Variants in CTR9 observed in about 807,000 individuals in gnomAD.
CTR9 encodes the protein CTR9 component of Paf1/RNA polymerase II complex, also known as RNA polymerase-associated protein CTR9 homolog.
A neutral mutation model predicts 152.1 loss-of-function variants in CTR9; 41 were observed. The observed-to-expected ratio is 0.27, with a 90% CI of 0.21 to 0.35. CTR9 has a LOEUF of 0.35. CTR9 is among the 10% of genes least tolerant of loss of function. CTR9 has a pLI of 1.00. For missense variants in CTR9, 917 were observed against 1,424.4 expected, an observed-to-expected ratio of 0.64 and a Z score of 5.73; for synonymous variants, 476 against 496.2, an observed-to-expected ratio of 0.96 and a Z score of 0.54.
Position 10,770,342 on chromosome 11 carries a change from G to A in CTR9, c.2226+16G>A, listed in dbSNP as rs1219084020. 1.2e-6 allele frequency: 2 copies of A among 1,604,080 alleles called. No individual in the cohort carries two copies. Among genetic ancestry groups the A allele is most frequent in the Non-Finnish European group, 1.7e-6 (2 of 1,172,956 alleles). On this transcript the variant is annotated intron_variant, in intron 17 of 24. Coordinates refer to ENST00000361367, the MANE Select transcript of CTR9 (RefSeq NM_014633.5). ...TTTGCTGAAGGTAAAAAGGAGAGAT[G>A]TTATTCCCATCCATTTCTGTGCTAC... is the stretch of plus-strand genomic sequence containing the variant.
chr11:10,776,002 G>A (rs868272244), intron 24 of CTR9, among the ~76,000 whole-genome samples: 1 of 152,146 alleles, frequency 6.6e-6, no homozygotes, highest in South Asian at 2.1e-4. Flanking sequence ...CTGCCCTACT[G>A]TTGACACACT....
At chr11:10,757,563 G>T (rs1450935052) in intron 5 of CTR9, among the ~76,000 whole-genome samples, 1 of 152,008 alleles carries the variant, frequency 6.6e-6, no homozygotes, top group Non-Finnish European at 1.5e-5. Flanking sequence ...GGGCAACAGA[G>T]CCAAGACCCT....
At chr11:10,777,920 C>T (rs778098726) in intron 24 of CTR9, among the ~76,000 whole-genome samples, 6 of 152,204 alleles carry the variant, frequency 3.9e-5, no homozygotes, top group Non-Finnish European at 7.3e-5. Context: ...TCCAAAGGAG[C>T]GGTCACCGTG....
chr11:10,756,102 G>C (rs1862879681), intron 4 of CTR9, among the ~76,000 whole-genome samples: 3 of 152,306 alleles, frequency 2.0e-5, no homozygotes, highest in Admixed American at 1.3e-4. Flanking sequence ...GAGGCCAGGA[G>C]TTCAAGACGA....
chr11:10,751,888 C>T (rs1401084529), intron 1 of CTR9, among the ~76,000 whole-genome samples: 1 of 152,088 alleles, frequency 6.6e-6, no homozygotes, highest in Non-Finnish European at 1.5e-5. Context: ...GCCTCTTCTC[C>T]CTTAGAAACT....
At chr11:10,753,785 G>A (rs1001473494) in intron 2 of CTR9, among the ~76,000 whole-genome samples, 2 of 151,796 alleles carry the variant, frequency 1.3e-5, no homozygotes, top group African/African-American at 4.8e-5. Flanking sequence ...ACCTGTAGTA[G>A]AATAAATTAA....
intron 7 of CTR9, 73 bp from the exon 8 acceptor site, chr11:10,763,358 T>G (rs993050807): frequency 2.1e-6 from 2 of 967,646 alleles, no homozygotes; most frequent in Admixed American, 2.1e-5. Context: ...AAACGAAGTG[T>G]TAGTCTAAGA....
chr11:10,764,766 C>A, intron 12 of CTR9, 35 bp downstream of exon 12: 1 of 1,504,064 alleles, frequency 6.6e-7, no homozygotes, highest in East Asian at 2.3e-5. Context: ...TAATGAAATC[C>A]GTTCATTCCC....
chr11:10,753,107 G>A (rs1862831182), intron 2 of CTR9, among the ~76,000 whole-genome samples: 1 of 152,182 alleles, frequency 6.6e-6, no homozygotes, highest in Non-Finnish European at 1.5e-5. Context: ...GAACATTGCT[G>A]CTTAACATTG....
At position 10,755,136 on chromosome 11, in the gene CTR9, A is replaced by T; in HGVS notation, c.323A>T (p.Asp108Val). ...RKEKNKDNKK[D>V]LITQATLLYT... ...GAAAAGAATAAGGACAATAAAAAGG[A>T]TCTTATTACACAGGCCACCTTGTTG... is the stretch of plus-strand genomic sequence containing the variant. Residue 108 changes from aspartate (D) to valine (V), a missense_variant, in exon 3 of 25, where the codon GAT becomes GTT. This residue lies in a region of CTR9 where 67 missense variants were observed against 106.9 expected (regional missense o/e 0.63). Transcript: ENST00000361367. 6.2e-7 allele frequency: 1 copy of T among 1,613,840 alleles called. No individual in the cohort carries two copies. Among genetic ancestry groups the T allele is most frequent in the Non-Finnish European group, 8.5e-7 (1 of 1,179,754 alleles).
chr11:10,760,704 G>A (rs34128295), intron 6 of CTR9, among the ~76,000 whole-genome samples: 4 of 151,990 alleles, frequency 2.6e-5, no homozygotes, highest in South Asian at 2.1e-4. Context: ...TTCATTGCAC[G>A]TAACAAAAAA....
rs1863083274 is a variant in CTR9 at position 10,767,842 on chromosome 11, C to A, written c.1723C>A (p.His575Asn). 6.2e-7 allele frequency: 1 copy of A among 1,614,034 alleles called. No individual in the cohort carries two copies. The highest frequency in any genetic ancestry group is 8.5e-7 in the Non-Finnish European group (1 of 1,179,972). ...PDAWSLIGNL[H>N]LAKQEWGPGQ... ...TGCTTGGTCTTTGATTGGCAATCTT[C>A]ATTTGGCAAAACAAGAATGGGGTCC... The change falls in exon 14 of 25, where the codon CAT becomes AAT. Residue 575 changes from histidine (H) to asparagine (N), a missense_variant. Physicochemically the swap from His to Asn is moderately conservative, Grantham distance 68. This residue lies in a region of CTR9 where 87 missense variants were observed against 235.7 expected (regional missense o/e 0.37). Coordinates refer to ENST00000361367, the MANE Select transcript of CTR9 (RefSeq NM_014633.5). The surrounding 1 kb of genome is among the most constrained non-coding windows in gnomAD (Gnocchi z 4.0).
At position 10,755,106 on chromosome 11, in the gene CTR9, G is replaced by T; in HGVS notation, c.293G>T (p.Arg98Leu). ...GCAGCGTATTATGTACAACAGGCTCGGAAAGAAAAGAATAAGGACAATAAA... is the reference window on the plus strand; with the variant it reads ...GCAGCGTATTATGTACAACAGGCTCTGAAAGAAAAGAATAAGGACAATAAA... ...TLAAYYVQQA[R>L]KEKNKDNKKD... The change falls in exon 3 of 25, where the codon CGG becomes CTG. Residue 98 changes from arginine (R) to leucine (L), a missense_variant. Arg to Leu is a moderately radical substitution (Grantham distance 102). Around this residue, in one of 9 missense-constraint regions of CTR9, gnomAD observed 67 missense variants for 106.9 expected, o/e 0.63. Coordinates refer to ENST00000361367, the MANE Select transcript of CTR9 (RefSeq NM_014633.5). The T allele has an allele frequency of 6.2e-7, 1 of 1,613,884 alleles. No individual in the cohort carries two copies. Among genetic ancestry groups the T allele is most frequent in the Non-Finnish European group, 8.5e-7 (1 of 1,179,940 alleles).
At chr11:10,774,243 G>C in intron 22 of CTR9, 74 bp downstream of exon 22, 1 of 1,507,356 alleles carries the variant, frequency 6.6e-7, no homozygotes, top group South Asian at 1.4e-5. Context: ...TGAATCTTTT[G>C]ATGTTTAGAA....
intron 16 of CTR9, among the ~76,000 whole-genome samples, chr11:10,769,845 AACGCAAAGGACAACGGTGTATG>A: frequency 6.6e-6 from 1 of 151,950 alleles, no homozygotes; most frequent in African/African-American, 2.4e-5. Context: ...TAGATGGTAA[AACGCAAAGGACAACGGTGTATG>A]ACTTCTCATC....
chr11:10,751,551 C>A, intron 1 of CTR9, 94 bp downstream of exon 1: 2 of 1,223,936 alleles, frequency 1.6e-6, no homozygotes, highest in East Asian at 2.4e-5. Flanking sequence ...CGAGAGCATC[C>A]TCCTTCCCTA....
intron 12 of CTR9, 53 bp downstream of exon 12, chr11:10,764,784 C>A: frequency 6.9e-7 from 1 of 1,446,774 alleles, no homozygotes; most frequent in Non-Finnish European, 9.3e-7. Flanking sequence ...CCCACAAGAG[C>A]AGCAAAAATT....
intron 17 of CTR9, 28 bp from the exon 18 acceptor site, chr11:10,770,459 A>T (rs763493292): frequency 3.1e-6 from 5 of 1,603,800 alleles, no homozygotes. Context: ...TCATTTGAAC[A>T]TATGAAATAT....
At chr11:10,765,226 C>G (rs1372040034) in intron 12 of CTR9, among the ~76,000 whole-genome samples, 1 of 152,150 alleles carries the variant, frequency 6.6e-6, no homozygotes, top group Non-Finnish European at 1.5e-5. Flanking sequence ...TGCCTGGAAT[C>G]CCAGTACTTT....
Sources: gnomAD v4.1 joint callset for allele counts (sites outside exome capture counted in the v4.1 genomes callset) on GRCh38, gnomAD v4.1.1 for gene constraint, gnomAD v4.1.1 regional missense constraint, Gnocchi (gnomAD v3.1) non-coding constraint, MANE v1.5 for transcripts, NCBI Gene and HGNC (gene_info 2026-07-23, HGNC 2026-07-21) for gene names.